Variants in GRM7 observed in about 807,000 individuals in gnomAD.
GRM7 encodes metabotropic glutamate receptor 7.
A neutral mutation model predicts 84.5 loss-of-function variants in GRM7; 35 were observed. The observed-to-expected ratio is 0.41, with a 90% CI of 0.32 to 0.55. The LOEUF (loss-of-function observed/expected upper bound fraction) is 0.55, where lower values mean the gene tolerates loss of function less well. GRM7 is among the 20% of genes least tolerant of loss of function. The pLI, the probability that GRM7 is intolerant of heterozygous loss-of-function variation, is 0.19. For missense variants in GRM7, 1,003 were observed against 1,194.6 expected (o/e 0.84, Z 2.36); for synonymous variants, 487 against 455.1 (o/e 1.07, Z -0.89).
intron 9 of GRM7, chr3:7,693,500 A>G (rs1700893288): frequency 3.0e-6 from 2 of 674,310 alleles, no homozygotes; most frequent in Non-Finnish European, 5.4e-6. Context: ...AGTATGAAAA[A>G]TGCTACATTT....
intron 1 of GRM7, among the ~76,000 whole-genome samples, chr3:6,947,815 C>G (rs1316954262): frequency 2.6e-5 from 4 of 152,144 alleles, no homozygotes; most frequent in Non-Finnish European, 5.9e-5. Flanking sequence ...TTATGCATTT[C>G]TTCTAGATTT....
At chr3:7,273,960 G>A (rs899130218) in intron 2 of GRM7, among the ~76,000 whole-genome samples, 1 of 151,154 alleles carries the variant, frequency 6.6e-6, no homozygotes, top group African/African-American at 2.4e-5. Flanking sequence ...TTCTTTTTTT[G>A]TCTTTTGTGG....
At chr3:7,499,270 C>T (rs1005326636) in intron 7 of GRM7, among the ~76,000 whole-genome samples, 1 of 152,144 alleles carries the variant, frequency 6.6e-6, no homozygotes, top group Non-Finnish European at 1.5e-5. Flanking sequence ...AGATTCAGGC[C>T]TTTCCTAACC....
chr3:7,462,330 A>G (rs531615227), intron 7 of GRM7, among the ~76,000 whole-genome samples: 1 of 152,192 alleles, frequency 6.6e-6, no homozygotes, highest in African/African-American at 2.4e-5. Flanking sequence ...GCCTTGAAAT[A>G]ATTGGGTAAG....
At chr3:7,253,349 T>G (rs1698074694) in intron 2 of GRM7, among the ~76,000 whole-genome samples, 1 of 152,194 alleles carries the variant, frequency 6.6e-6, no homozygotes, top group Admixed American at 6.5e-5. Context: ...TTCACTTAAT[T>G]CTCGCCTGTA....
intron 2 of GRM7, among the ~76,000 whole-genome samples, chr3:7,182,900 T>G (rs1438290996): frequency 6.6e-6 from 1 of 151,080 alleles, no homozygotes; most frequent in Non-Finnish European, 1.5e-5. Context: ...GAAAGTGTTT[T>G]TTTTTTTTTT....
rs1265035506 is a variant in GRM7 at position 7,511,749 on chromosome 3, C to T, written c.1515+50027C>T. Among the ~76,000 whole-genome samples, 3 of 152,094 alleles carry T rather than the reference C, an allele frequency of 2.0e-5. No homozygotes were observed. The East Asian group carries it at 5.8e-4, about 29-fold the overall frequency. On this transcript the variant is annotated intron_variant, in intron 7 of 9. Transcript: ENST00000357716. Reference sequence around the variant, plus strand: ...AGACCACAAAGGCATTAGTGCTTGTCTAAATAGGTGTAAGAACATGAAGAA... The same window carrying T: ...AGACCACAAAGGCATTAGTGCTTGTTTAAATAGGTGTAAGAACATGAAGAA...
intron 4 of GRM7, among the ~76,000 whole-genome samples, chr3:7,317,070 A>G (rs1057502799): frequency 3.3e-5 from 5 of 152,180 alleles, no homozygotes; most frequent in Non-Finnish European, 7.4e-5. Flanking sequence ...AGCTTCATCA[A>G]TGTACTGCTG....
At position 7,508,685 on chromosome 3, in the gene GRM7, C is replaced by T. The variant is rs940225719; in HGVS notation, c.1515+46963C>T. Reference sequence around the variant, plus strand: ...CATTGAAAAATTGTTTTTGGAAAAACGGTTCTTACGGCATTTCCTGCAAGA... The same window carrying T: ...CATTGAAAAATTGTTTTTGGAAAAATGGTTCTTACGGCATTTCCTGCAAGA... On this transcript the variant is annotated intron_variant, in intron 7 of 9. Transcript: ENST00000357716. 2.1e-4 allele frequency among the ~76,000 whole-genome samples: 32 copies of T among 152,150 alleles called. No individual in the cohort carries two copies. The East Asian group carries it at 6.2e-3, about 29-fold the overall frequency.
intron 1 of GRM7, among the ~76,000 whole-genome samples, chr3:6,995,788 G>A (rs1694804434): frequency 6.6e-6 from 1 of 152,160 alleles, no homozygotes; most frequent in African/African-American, 2.4e-5. Context: ...CACCACAGAA[G>A]TAGTACCAAG....
chr3:6,880,339 CTCTT>C (rs1695463404), intron 1 of GRM7, among the ~76,000 whole-genome samples: 1 of 152,138 alleles, frequency 6.6e-6, no homozygotes, highest in African/African-American at 2.4e-5. Context: ...CCTAGAGAGC[CTCTT>C]TCTTCTAAAA....
intron 1 of GRM7, among the ~76,000 whole-genome samples, chr3:6,944,658 C>T (rs567915865): frequency 5.3e-5 from 8 of 152,168 alleles, no homozygotes; most frequent in Admixed American, 2.6e-4. Context: ...CATTTTTCCC[C>T]GTACTTTTGC....
chr3:7,125,502 A>G (rs1165452602), intron 1 of GRM7, among the ~76,000 whole-genome samples: 5 of 152,186 alleles, frequency 3.3e-5, no homozygotes, highest in South Asian at 2.1e-4. Context: ...TTGCATAACA[A>G]ATTTTTAGAG....
At chr3:7,203,423 C>T (rs1430761511) in intron 2 of GRM7, among the ~76,000 whole-genome samples, 5 of 152,102 alleles carry the variant, frequency 3.3e-5, no homozygotes, top group South Asian at 2.1e-4. Flanking sequence ...TATTCCATAT[C>T]GTGTACGTGT....
chr3:7,226,434 G>A (rs763126466), intron 2 of GRM7, among the ~76,000 whole-genome samples: 1 of 152,184 alleles, frequency 6.6e-6, no homozygotes, highest in Admixed American at 6.5e-5. Flanking sequence ...GGCCCCGACA[G>A]TTCCCTATCG....
chr3:7,523,294 A>AT (rs548777727), intron 7 of GRM7, among the ~76,000 whole-genome samples: 3 of 151,946 alleles, frequency 2.0e-5, no homozygotes, highest in Middle Eastern at 3.2e-3. Context: ...ATACAGAAAA[A>AT]TTTTTTTCCT....
At chr3:7,132,133 G>T (rs1693622265) in intron 1 of GRM7, among the ~76,000 whole-genome samples, 1 of 152,100 alleles carries the variant, frequency 6.6e-6, no homozygotes, top group Admixed American at 6.5e-5. Context: ...TTAAAGAGTT[G>T]TTCTTTCTTC....
Position 7,507,482 on chromosome 3 carries a change from A to G in GRM7, c.1515+45760A>G, listed in dbSNP as rs1700073101. On this transcript the variant is annotated intron_variant, in intron 7 of 9. Coordinates refer to ENST00000357716, the MANE Select transcript of GRM7 (RefSeq NM_000844.4). Reference sequence around the variant, plus strand: ...CTAAAAAAGTATTCTCTATGCTCCAAAGATTTGTCAGACTAAAGAAACTAT... The same window carrying G: ...CTAAAAAAGTATTCTCTATGCTCCAGAGATTTGTCAGACTAAAGAAACTAT... Among the ~76,000 whole-genome samples the G allele has an allele frequency of 2.0e-5, 3 of 152,348 alleles. No individual in the cohort carries two copies. The South Asian group carries it at 6.2e-4, about 32-fold the overall frequency.
At chr3:6,902,296 T>C (rs1425702716) in intron 1 of GRM7, among the ~76,000 whole-genome samples, 1 of 152,176 alleles carries the variant, frequency 6.6e-6, no homozygotes, top group Non-Finnish European at 1.5e-5. Context: ...AAATGACAGC[T>C]ATCCAAATTG....
Sources: allele counts gnomAD v4.1 joint callset (sites outside exome capture counted in the v4.1 genomes callset), GRCh38; gene constraint gnomAD v4.1.1; transcripts MANE v1.5; gene names NCBI Gene and HGNC (gene_info 2026-07-23, HGNC 2026-07-21).